LIMA1: variants seen among roughly 807,000 people sequenced by gnomAD.
LIMA1 encodes the protein LIM domain and actin binding 1.
In LIMA1, 52 loss-of-function variants were observed where a neutral mutation model predicts 62.6. The observed-to-expected ratio is 0.83, with a 90% CI of 0.67 to 1.05. The LOEUF (loss-of-function observed/expected upper bound fraction) is 1.05, where lower values mean the gene tolerates loss of function less well. Ranked by LOEUF, LIMA1 falls within the 50% of genes least tolerant of loss-of-function variation. The pLI, the probability that LIMA1 is intolerant of heterozygous loss-of-function variation, is 0.00. For synonymous variants in LIMA1, 302 were observed against 317.8 expected (o/e 0.95, Z 0.53); for missense variants, 780 against 902.2 (o/e 0.86, Z 1.74).
intron 6 of LIMA1, chr12:50,201,989 T>C (rs1161397832): frequency 2.0e-5 from 3 of 152,238 alleles, no homozygotes; most frequent in Non-Finnish European, 4.4e-5. Context: ...TGTAGTAATC[T>C]AGTACTTTTC....
At chr12:50,256,052 G>C (rs1240646048) in intron 1 of LIMA1, among the ~76,000 whole-genome samples, 1 of 151,824 alleles carries the variant, frequency 6.6e-6, no homozygotes, top group East Asian at 1.9e-4. Context: ...ACCACACTCG[G>C]CTAATTTTTT....
intron 4 of LIMA1, among the ~76,000 whole-genome samples, chr12:50,217,478 C>T (rs1941362837): frequency 1.3e-5 from 2 of 151,730 alleles, no homozygotes; most frequent in South Asian, 4.2e-4. Flanking sequence ...TCAAGCCTGG[C>T]CTTTGAAGTA....
At position 50,177,490 on chromosome 12, in the gene LIMA1, C is replaced by T. The variant is rs773013856; in HGVS notation, c.1854G>A (p.Met618Ile). ...VSPPIRKGWSMSEQSEESVGG... is the reference protein window; with the variant it reads ...VSPPIRKGWSISEQSEESVGG... ...CCACAGACTCTTCACTCTGCTCTGACATGCTCCAGCCTTTCCTGATAGGTG... is the reference window on the plus strand; with the variant it reads ...CCACAGACTCTTCACTCTGCTCTGATATGCTCCAGCCTTTCCTGATAGGTG... The change falls in exon 11 of 11, where the codon ATG (methionine) becomes ATA (isoleucine). Residue 618 changes from methionine to isoleucine, a missense_variant. Transcript: ENST00000341247. The T allele has an allele frequency of 6.2e-7, 1 of 1,613,812 alleles. No homozygotes were observed.
intron 9 of LIMA1, chr12:50,185,767 C>T: frequency 4.1e-6 from 1 of 245,418 alleles, no homozygotes; most frequent in South Asian, 4.6e-5. Context: ...TTAATAGAGC[C>T]TTCACCCACA....
At chr12:50,273,868 T>C (rs1234403929) in intron 1 of LIMA1, among the ~76,000 whole-genome samples, 1 of 152,220 alleles carries the variant, frequency 6.6e-6, no homozygotes, top group Admixed American at 6.5e-5. Flanking sequence ...ATTCCAGTAA[T>C]TGGGTTTTAG....
intron 1 of LIMA1, among the ~76,000 whole-genome samples, chr12:50,276,869 CAAAAA>C (rs879357407): frequency 7.8e-6 from 1 of 128,850 alleles, no homozygotes. Flanking sequence ...CACACTGTCT[CAAAAA>C]AAAAAAAATC....
chr12:50,255,143 G>A (rs1484162697), intron 1 of LIMA1, among the ~76,000 whole-genome samples: 2 of 151,774 alleles, frequency 1.3e-5, no homozygotes, highest in African/African-American at 4.8e-5. Flanking sequence ...TTATATATCC[G>A]ATCTCAGTGG....
At chr12:50,212,875 T>A (rs942992421) in intron 4 of LIMA1, among the ~76,000 whole-genome samples, 3 of 152,164 alleles carry the variant, frequency 2.0e-5, no homozygotes, top group African/African-American at 7.2e-5. Flanking sequence ...AGTGCAGTGG[T>A]ATGATCTCAG....
At chr12:50,282,059 A>G (rs1481278891) in intron 1 of LIMA1, among the ~76,000 whole-genome samples, 1 of 152,234 alleles carries the variant, frequency 6.6e-6, no homozygotes, top group Admixed American at 6.5e-5. Context: ...CTAGTACATT[A>G]TATGTTGTTC....
At chr12:50,239,066 T>C (rs999211726) in intron 2 of LIMA1, among the ~76,000 whole-genome samples, 2 of 152,186 alleles carry the variant, frequency 1.3e-5, no homozygotes, top group Non-Finnish European at 2.9e-5. Context: ...CTTATTGCTG[T>C]CTACTATGTT....
At chr12:50,235,127 T>C (rs11169331) in intron 2 of LIMA1, among the ~76,000 whole-genome samples, 54,361 of 151,754 alleles carry the variant, frequency 0.36, 10,238 homozygotes, top group South Asian at 0.48. Context: ...TAGTATAGGG[T>C]CACGCTATGT....
intron 9 of LIMA1, among the ~76,000 whole-genome samples, chr12:50,183,828 A>AC (rs1940565465): frequency 6.6e-6 from 1 of 151,126 alleles, no homozygotes; most frequent in Non-Finnish European, 1.5e-5. Flanking sequence ...AAAAAAAAAA[A>AC]AAAAAACCCA....
intron 2 of LIMA1, among the ~76,000 whole-genome samples, chr12:50,245,939 G>A (rs1347725471): frequency 6.6e-6 from 1 of 152,006 alleles, no homozygotes; most frequent in African/African-American, 2.4e-5. Context: ...TGTGCAGAAG[G>A]AGCAGGCAGC....
rs775075160 is a variant in LIMA1, at chr12:50,213,479, G to A, written c.631-7411C>T. Among the ~76,000 whole-genome samples the A allele has an allele frequency of 3.7e-4, 56 of 152,330 alleles. 1 individual carries two copies. Among genetic ancestry groups the A allele is most frequent in the Non-Finnish European group, 6.9e-4 (47 of 68,022 alleles). On this transcript the variant is annotated intron_variant, in intron 4 of 10. Coordinates refer to ENST00000341247, the MANE Select transcript of LIMA1 (RefSeq NM_016357.5). ...TTAACTTCTCTGACCTCATCTAATC[G>A]CATCTGTAAAATTGGGATTGTAAAG...
Position 50,222,275 on chromosome 12 carries a change from G to A in LIMA1, c.376C>T (p.Pro126Ser). The A allele has an allele frequency of 1.2e-6, 2 of 1,614,070 alleles. No homozygotes were observed. Among genetic ancestry groups the A allele is most frequent in the South Asian group, 2.2e-5 (2 of 91,068 alleles). ...AKADQEEQIH[P>S]RSRLRSPPEA... is the part of the protein sequence containing the mutation. Reference sequence around the variant, plus strand: ...GGAGGTGACCTGAGTCTAGATCTGGGGTGGATTTGTTCTTCTTGGTCAGCT... The same window carrying A: ...GGAGGTGACCTGAGTCTAGATCTGGAGTGGATTTGTTCTTCTTGGTCAGCT... The change falls in exon 4 of 11, where the codon CCC (proline) becomes TCC (serine). Residue 126 changes from proline (P) to serine (S), a missense_variant. Pro to Ser is a moderately conservative substitution (Grantham distance 74). Coordinates refer to ENST00000341247, the MANE Select transcript of LIMA1 (RefSeq NM_016357.5).
chr12:50,237,507 C>T (rs1941713190), intron 2 of LIMA1, among the ~76,000 whole-genome samples: 1 of 152,084 alleles, frequency 6.6e-6, no homozygotes, highest in African/African-American at 2.4e-5. Context: ...CATGGTGGCT[C>T]ATGCCTGTAG....
At chr12:50,205,794 CAAAAAAAA>C (rs5798132) in intron 5 of LIMA1, among the ~76,000 whole-genome samples, 182 bp downstream of exon 5, 1 of 80,182 alleles carries the variant, frequency 1.2e-5, no homozygotes, top group Non-Finnish European at 2.5e-5. Flanking sequence ...ACTTCCGTCT[CAAAAAAAA>C]AAAAAAAAAA....
intron 1 of LIMA1, among the ~76,000 whole-genome samples, chr12:50,258,808 C>T (rs1216951153): frequency 6.6e-6 from 1 of 151,672 alleles, no homozygotes; most frequent in African/African-American, 2.4e-5. Context: ...CCACCACACC[C>T]GAGTAATTTT....
chr12:50,238,026 T>C (rs1468940795), intron 2 of LIMA1, among the ~76,000 whole-genome samples: 2 of 152,212 alleles, frequency 1.3e-5, no homozygotes, highest in African/African-American at 4.8e-5. Flanking sequence ...TTGGCAATGA[T>C]TTTTTGAAAT....
Sources: gnomAD v4.1 joint callset for allele counts (sites outside exome capture counted in the v4.1 genomes callset) on GRCh38, gnomAD v4.1.1 for gene constraint, MANE v1.5 for transcripts, NCBI Gene and HGNC (gene_info 2026-07-23, HGNC 2026-07-21) for gene names.